CACNB2: variants seen among roughly 807,000 people sequenced by gnomAD.
CACNB2 encodes calcium voltage-gated channel auxiliary subunit beta 2, also known as voltage-dependent L-type calcium channel subunit beta-2.
Under a neutral mutation model 73.3 loss-of-function variants are expected in CACNB2, and 42 were observed. The ratio of observed to expected loss-of-function variants is 0.57; its 90% CI spans 0.45 to 0.74. The LOEUF (loss-of-function observed/expected upper bound fraction) is 0.74. Among genes scored for constraint, CACNB2 ranks in the 30% least tolerant of loss-of-function variants. The pLI is 0.00. For missense variants in CACNB2, 940 were observed against 853.0 expected (o/e 1.10, Z -1.27); for synonymous variants, 348 against 310.3 (o/e 1.12, Z -1.28).
rs1042474452 is a variant in CACNB2, at chr10:18,499,631, A to G, written c.456+1154A>G. 2.9e-3 allele frequency among the ~76,000 whole-genome samples: 366 copies of G among 125,220 alleles called. 7 individuals are homozygous for G. Among genetic ancestry groups the G allele is most frequent in the African/African-American group, 9.5e-3 (331 of 34,712 alleles). 82.1% of individuals were successfully genotyped at this position (125,220 alleles called of 152,430 possible). ...TCTGTCTCAAAGAAAAAAAAAAAAA[A>G]AAAAAAAAGAACCTAGAAGCCTGGG... On this transcript the variant is annotated intron_variant, in intron 4 of 13. Transcript: ENST00000324631.
intron 2 of CACNB2, among the ~76,000 whole-genome samples, chr10:18,368,564 A>G (rs2042448928): frequency 6.6e-6 from 1 of 152,218 alleles, no homozygotes. Context: ...GGAAAAAAGT[A>G]TTTTGAGGAA....
chr10:18,145,430 G>A (rs761185304), intron 1 of CACNB2, among the ~76,000 whole-genome samples: 1 of 150,810 alleles, frequency 6.6e-6, no homozygotes, highest in Non-Finnish European at 1.5e-5. Context: ...TTTTTCTAAT[G>A]TGACATGGGA....
At chr10:18,266,869 G>A (rs1179860055) in intron 2 of CACNB2, among the ~76,000 whole-genome samples, 2 of 152,198 alleles carry the variant, frequency 1.3e-5, no homozygotes, top group African/African-American at 4.8e-5. Context: ...CAGCCTGGGA[G>A]ACAGACGAGA....
intron 2 of CACNB2, among the ~76,000 whole-genome samples, chr10:18,354,302 G>C (rs756254272): frequency 1.1e-4 from 16 of 152,060 alleles, no homozygotes; most frequent in Middle Eastern, 3.2e-3. Flanking sequence ...TAAACTGCTT[G>C]CCTGTCTTGG....
chr10:18,172,599 C>A (rs113461365), intron 2 of CACNB2, among the ~76,000 whole-genome samples: 4,959 of 152,222 alleles, frequency 0.033, 119 homozygotes, highest in Non-Finnish European at 0.046. Context: ...GGATGTGAAA[C>A]CCTTGTCCTG....
At chr10:18,184,649 GTTTTTTTTTTTT>G (rs201899870) in intron 2 of CACNB2, among the ~76,000 whole-genome samples, 4 of 87,780 alleles carry the variant, frequency 4.6e-5, no homozygotes, top group African/African-American at 1.9e-4. Flanking sequence ...CTCAGACTTT[GTTTTTTTTTTTT>G]TTTTTTTTTT....
In CACNB2 at chr10:18,484,952, G is replaced by A. The variant is rs144286491; in HGVS notation, c.334-13403G>A. ...GGCAGATTGCTTGAGTCCAGGAGTT[G>A]GAGACCAGCCTGGACAACATAGTGA... On this transcript the variant is annotated intron_variant, in intron 3 of 13. Transcript: ENST00000324631. 3.4e-3 allele frequency among the ~76,000 whole-genome samples: 511 copies of A among 152,106 alleles called. 10 individuals are homozygous for A. The highest frequency in any genetic ancestry group is 1.2e-3 in the Non-Finnish European group (81 of 67,998).
At chr10:18,260,485 G>A (rs1395887246) in intron 2 of CACNB2, 39 of 985,432 alleles carry the variant, frequency 4.0e-5, no homozygotes, top group East Asian at 1.1e-4. Flanking sequence ...GTGCTTGAGC[G>A]AGTCAGGTCC....
intron 10 of CACNB2, among the ~76,000 whole-genome samples, chr10:18,532,702 C>CA (rs1339853490): frequency 2.2e-5 from 1 of 46,446 alleles, no homozygotes; most frequent in African/African-American, 8.1e-5. Flanking sequence ...AAAAACAAAA[C>CA]AAAAAAACAA....
intron 2 of CACNB2, among the ~76,000 whole-genome samples, chr10:18,242,873 G>T (rs1459839153): frequency 6.6e-6 from 1 of 151,208 alleles, no homozygotes; most frequent in Non-Finnish European, 1.5e-5. Flanking sequence ...AGCCGGGCAT[G>T]GTGGTGGGCA....
chr10:18,298,418 T>A (rs988417134), intron 2 of CACNB2, among the ~76,000 whole-genome samples: 3 of 151,114 alleles, frequency 2.0e-5, no homozygotes, highest in Non-Finnish European at 4.4e-5. Context: ...GACTAAACAA[T>A]GAAGAGAATG....
chr10:18,439,261 A>G (rs982688520), intron 3 of CACNB2, among the ~76,000 whole-genome samples: 1 of 152,242 alleles, frequency 6.6e-6, no homozygotes, highest in Non-Finnish European at 1.5e-5. Flanking sequence ...GCGGAAGCTA[A>G]TGGAAGATGA....
At chr10:18,501,665 A>G (rs1311998120) in intron 5 of CACNB2, among the ~76,000 whole-genome samples, 2 of 152,258 alleles carry the variant, frequency 1.3e-5, no homozygotes, top group African/African-American at 2.4e-5. Flanking sequence ...AGGATGGGAC[A>G]TGGGCAAGGC....
rs1018879038 is a variant in CACNB2 at position 18,382,022 on chromosome 10, C to A, written c.214-19902C>A. 2.6e-5 allele frequency among the ~76,000 whole-genome samples: 4 copies of A among 151,928 alleles called. No individual in the cohort carries two copies. In the East Asian group the frequency reaches 7.7e-4, roughly 29 times the overall value. On this transcript the variant is annotated intron_variant, in intron 2 of 13. Coordinates refer to ENST00000324631, the MANE Select transcript of CACNB2 (RefSeq NM_201596.3). ...GGATTGAACTTACATTAGAATGAGA[C>A]TTTTATGTATTTTTATAATATCGTC...
In CACNB2 at chr10:18,216,790, C is replaced by G. The variant is rs545416504; in HGVS notation, c.213+65815C>G. ...TCCTTAATCTCTCCAAATTCCAAAACAGAGGTCTCATGAAAAATTCCTTAA... is the reference window on the plus strand; with the variant it reads ...TCCTTAATCTCTCCAAATTCCAAAAGAGAGGTCTCATGAAAAATTCCTTAA... On this transcript the variant is annotated intron_variant, in intron 2 of 13. Transcript: ENST00000324631. Among the ~76,000 whole-genome samples, 8 of 152,222 alleles carry G rather than the reference C, an allele frequency of 5.3e-5. No homozygotes were observed. In the South Asian group the frequency reaches 1.7e-3, roughly 32 times the overall value.
chr10:18,354,327 G>A (rs1333095454), intron 2 of CACNB2, among the ~76,000 whole-genome samples: 2 of 152,062 alleles, frequency 1.3e-5, no homozygotes, highest in African/African-American at 4.8e-5. Context: ...AGTCTCCTTG[G>A]TGAGGTCCTA....
Position 18,228,944 on chromosome 10 carries a change from G to A in CACNB2, c.213+77969G>A, listed in dbSNP as rs150045545. ...TTTAGTAGAGATGGGGTTTCACCAC[G>A]TGGGCCAAGCTGGTCTCGAACTCCT... On this transcript the variant is annotated intron_variant, in intron 2 of 13. Coordinates refer to ENST00000324631, the MANE Select transcript of CACNB2 (RefSeq NM_201596.3). Among the ~76,000 whole-genome samples the A allele has an allele frequency of 7.9e-3, 1,198 of 152,138 alleles. 15 individuals carry two copies. The highest frequency in any genetic ancestry group is 0.027 in the African/African-American group (1,110 of 41,492).
intron 2 of CACNB2, among the ~76,000 whole-genome samples, chr10:18,277,079 T>C (rs2038327340): frequency 2.0e-5 from 3 of 152,202 alleles, no homozygotes; most frequent in Admixed American, 2.0e-4. Context: ...TTCGTGCCAC[T>C]GCACTCCAGC....
At chr10:18,394,282 T>G (rs2043616452) in intron 2 of CACNB2, among the ~76,000 whole-genome samples, 1 of 152,040 alleles carries the variant, frequency 6.6e-6, no homozygotes, top group South Asian at 2.1e-4. Context: ...TAGATGTGTG[T>G]GAGAGAGAGC....
Sources: allele counts gnomAD v4.1 joint callset (sites outside exome capture counted in the v4.1 genomes callset), GRCh38; gene constraint gnomAD v4.1.1; transcripts MANE v1.5; gene names NCBI Gene and HGNC (gene_info 2026-07-23, HGNC 2026-07-21).